The following CDH12 variants were observed in gnomAD, a reference collection of about 807,000 sequenced individuals.
CDH12 encodes the protein cadherin 12, also known as cadherin-12.
A neutral mutation model predicts 74.1 loss-of-function variants in CDH12; 41 were observed. The observed-to-expected ratio is 0.55, with a 90% CI of 0.43 to 0.72. The LOEUF is 0.72. Ranked by LOEUF, CDH12 falls within the 30% of genes least tolerant of loss-of-function variation. CDH12 has a pLI of 0.00. For synonymous variants in CDH12, 399 were observed against 355.0 expected, an observed-to-expected ratio of 1.12 and a Z score of -1.39; for missense variants, 945 against 977.2, an observed-to-expected ratio of 0.97 and a Z score of 0.44.
chr5:22,399,905 T>C (rs1742641413), intron 3 of CDH12, among the ~76,000 whole-genome samples: 1 of 152,198 alleles, frequency 6.6e-6, no homozygotes. Context: ...ACAACCATTA[T>C]AACCAACAAA....
rs191879716 is a variant in CDH12 at position 22,253,190 on chromosome 5, G to A, written c.-332-40547C>T. Among the ~76,000 whole-genome samples the A allele has an allele frequency of 1.2e-3, 179 of 150,924 alleles. 1 individual carries two copies. Among genetic ancestry groups the A allele is most frequent in the Admixed American group, 4.6e-3 (69 of 15,154 alleles). On this transcript the variant is annotated intron_variant, in intron 3 of 14. Transcript: ENST00000382254. ...ACTAATGTGAGAATATTTCATTTTTGTATTTATAAAGTAATTATGACATTT... is the reference window on the plus strand; with the variant it reads ...ACTAATGTGAGAATATTTCATTTTTATATTTATAAAGTAATTATGACATTT...
intron 6 of CDH12, among the ~76,000 whole-genome samples, chr5:21,870,392 C>T (rs1017106083): frequency 2.6e-5 from 4 of 152,036 alleles, no homozygotes; most frequent in South Asian, 2.1e-4. Flanking sequence ...TAGCTGGGGG[C>T]CTGGATAGAA....
intron 3 of CDH12, among the ~76,000 whole-genome samples, chr5:22,396,739 C>T (rs1220187511): frequency 6.6e-6 from 1 of 152,088 alleles, no homozygotes; most frequent in Non-Finnish European, 1.5e-5. Flanking sequence ...TAAAATCTCA[C>T]AGTTGGAGGA....
At chr5:22,150,991 T>G (rs554466834) in intron 4 of CDH12, among the ~76,000 whole-genome samples, 1 of 152,322 alleles carries the variant, frequency 6.6e-6, no homozygotes, top group South Asian at 2.1e-4. Flanking sequence ...GCTGAGGGGA[T>G]AAAAAGAATT....
chr5:22,452,837 T>C (rs577910904), intron 2 of CDH12, among the ~76,000 whole-genome samples: 1 of 99,892 alleles, frequency 1.0e-5, no homozygotes, highest in Non-Finnish European at 1.9e-5. Context: ...TGACAAGAAG[T>C]TAACCTAGAG....
At chr5:21,786,330 T>C in intron 10 of CDH12, among the ~76,000 whole-genome samples, 1 of 152,200 alleles carries the variant, frequency 6.6e-6, no homozygotes, top group Middle Eastern at 3.4e-3. Context: ...ATTTTTGTAT[T>C]TTTAGTAGAG....
chr5:22,159,336 T>C (rs1748195484), intron 4 of CDH12, among the ~76,000 whole-genome samples: 1 of 152,170 alleles, frequency 6.6e-6, no homozygotes, highest in Admixed American at 6.5e-5. Flanking sequence ...AAATGAATAG[T>C]TTTCTCCAAA....
Position 22,698,676 on chromosome 5 carries a change from GATATATATATATATATATATATATAT to G in CDH12, c.-523+154356_-523+154381del, listed in dbSNP as rs1193077466. On this transcript the variant is annotated intron_variant, in intron 1 of 14. Coordinates refer to ENST00000382254, the MANE Select transcript of CDH12 (RefSeq NM_004061.5). ...TACATTTAGCTGCATTCAATCCCCA[GATATATATATATATATATATATATAT>G]ATATATATATATATATATATATATA... Among the ~76,000 whole-genome samples, 34 of 30,998 alleles carry G rather than the reference GATATATATATATATATATATATATAT, an allele frequency of 1.1e-3. 1 individual carries two copies. The highest frequency in any genetic ancestry group is 5.4e-3 in the South Asian group (3 of 554). 20.3% of individuals were successfully genotyped at this position (30,998 alleles called of 152,430 possible). A position where few individuals can be genotyped will look rare whatever the true frequency, so the allele number is the denominator to read the frequency against.
At chr5:22,238,396 T>G (rs944974363) in intron 3 of CDH12, among the ~76,000 whole-genome samples, 13 of 152,154 alleles carry the variant, frequency 8.5e-5, no homozygotes, top group Non-Finnish European at 1.8e-4. Context: ...GGATAAGAAC[T>G]CAAATGGATA....
chr5:22,705,187 T>C (rs1328954605), intron 1 of CDH12, among the ~76,000 whole-genome samples: 1 of 147,484 alleles, frequency 6.8e-6, no homozygotes, highest in African/African-American at 2.5e-5. Context: ...TGTGTGTGTA[T>C]CTTGCATTGG....
At chr5:22,389,671 C>T (rs1362779240) in intron 3 of CDH12, among the ~76,000 whole-genome samples, 1 of 134,532 alleles carries the variant, frequency 7.4e-6, no homozygotes, top group Non-Finnish European at 1.6e-5. Context: ...TTTTTTGAGA[C>T]AGAGTCTCAC....
At chr5:22,850,373 A>T (rs977735338) in intron 1 of CDH12, among the ~76,000 whole-genome samples, 1 of 152,116 alleles carries the variant, frequency 6.6e-6, no homozygotes, top group African/African-American at 2.4e-5. Flanking sequence ...GGCTTTTAAA[A>T]GCTCTGAGTT....
At chr5:22,034,914 G>T (rs908423324) in intron 5 of CDH12, among the ~76,000 whole-genome samples, 32 of 152,138 alleles carry the variant, frequency 2.1e-4, no homozygotes, top group African/African-American at 7.5e-4. Context: ...TAAGTCATCG[G>T]TTAACGCCAT....
At chr5:22,565,635 T>G (rs1261787808) in intron 1 of CDH12, among the ~76,000 whole-genome samples, 1 of 152,134 alleles carries the variant, frequency 6.6e-6, no homozygotes, top group African/African-American at 2.4e-5. Context: ...CCTTATTGTG[T>G]GCAAAATCCT....
intron 3 of CDH12, among the ~76,000 whole-genome samples, chr5:22,294,400 A>T (rs1044705835): frequency 6.6e-6 from 1 of 151,918 alleles, no homozygotes; most frequent in Admixed American, 6.6e-5. Flanking sequence ...CCAAACTGTT[A>T]CCCCCCAGAC....
intron 1 of CDH12, among the ~76,000 whole-genome samples, chr5:22,724,623 C>G (rs1035572829): frequency 6.6e-6 from 1 of 151,748 alleles, no homozygotes; most frequent in Admixed American, 6.6e-5. Flanking sequence ...TTTCTTTATC[C>G]ATTTGTTGGT....
chr5:22,661,097 T>C (rs918853494), intron 1 of CDH12, among the ~76,000 whole-genome samples: 2 of 151,776 alleles, frequency 1.3e-5, no homozygotes, highest in Admixed American at 6.6e-5. Flanking sequence ...ATACTTCTAA[T>C]GTGCAATTAG....
chr5:21,799,537 A>C (rs2149919223), intron 10 of CDH12, among the ~76,000 whole-genome samples: 1 of 152,280 alleles, frequency 6.6e-6, no homozygotes, highest in African/African-American at 2.4e-5. Flanking sequence ...TATTTCAAAA[A>C]AAGCCAGGAA....
At chr5:22,153,394 G>A (rs1350821187) in intron 4 of CDH12, among the ~76,000 whole-genome samples, 1 of 151,510 alleles carries the variant, frequency 6.6e-6, no homozygotes, top group African/African-American at 2.4e-5. Context: ...GATTTCCCAT[G>A]TATTATCTAG....
Sources: allele counts gnomAD v4.1 joint callset (sites outside exome capture counted in the v4.1 genomes callset), GRCh38; gene constraint gnomAD v4.1.1; transcripts MANE v1.5; gene names NCBI Gene and HGNC (gene_info 2026-07-23, HGNC 2026-07-21).